Variants in BCLAF3 observed in about 807,000 individuals in gnomAD.
The protein encoded by BCLAF3 is BCLAF1 and THRAP3 family member 3.
Under a neutral mutation model 51.2 loss-of-function variants are expected in BCLAF3, and 24 were observed. The ratio of observed to expected loss-of-function variants is 0.47; its 90% CI spans 0.34 to 0.66. The LOEUF is 0.66. Ranked by LOEUF, BCLAF3 falls within the 30% of genes least tolerant of loss-of-function variation. BCLAF3 has a pLI of 0.01. For synonymous variants in BCLAF3, 152 were observed against 176.6 expected, an observed-to-expected ratio of 0.86 and a Z score of 1.10; for missense variants, 465 against 525.1, an observed-to-expected ratio of 0.89 and a Z score of 1.12.
rs765607667 is a variant in BCLAF3, at chrX:19,915,044, A to G, written c.*2261T>C. 3 of 109,930 alleles carry G rather than the reference A, an allele frequency of 2.7e-5. No homozygotes were observed. The South Asian group carries it at 1.2e-3, about 44-fold the overall frequency. The allele number at this position is 109,930 out of a possible 1,213,427, so 9.1% of individuals were successfully genotyped here. On this transcript the variant is annotated 3_prime_UTR_variant, in exon 12 of 12. Transcript: ENST00000379682. ...TATCTTTGTCTTCCCAGTACCAGCG[A>G]AGGGCCTAGCACGTAGTGGAGGAAG...
chrX:19,951,860 C>T (rs1423491343), intron 7 of BCLAF3, among the ~76,000 whole-genome samples: 1 of 110,387 alleles, frequency 9.1e-6, no homozygotes, highest in Non-Finnish European at 1.9e-5. Context: ...CCCAGGAGGT[C>T]GAGGCTGCAG....
At chrX:19,948,121 G>A (rs772873452) in intron 8 of BCLAF3, among the ~76,000 whole-genome samples, 1 of 112,004 alleles carries the variant, frequency 8.9e-6, no homozygotes, top group Non-Finnish European at 1.9e-5. Flanking sequence ...TAGCACAGCC[G>A]CTTTGGAAAA....
intron 1 of BCLAF3, among the ~76,000 whole-genome samples, chrX:19,976,887 A>G (rs780451302): frequency 9.0e-6 from 1 of 111,666 alleles, no homozygotes; most frequent in African/African-American, 3.2e-5. Flanking sequence ...CGAGTCTATC[A>G]GTGCCATTTT....
rs1448245727 is a variant in BCLAF3 at position 19,916,202 on chromosome X, A to G, written c.*1103T>C. 8.9e-6 allele frequency: 1 copy of G among 112,876 alleles called. No homozygotes were observed. The highest frequency in any genetic ancestry group is 3.2e-5 in the African/African-American group (1 of 31,019). 9.3% of individuals were successfully genotyped at this position (112,876 alleles called of 1,213,427 possible). On this transcript the variant is annotated 3_prime_UTR_variant, in exon 12 of 12. Coordinates refer to ENST00000379682, the MANE Select transcript of BCLAF3 (RefSeq NM_001367774.2). ...TTAAACAGAGGTGCTATCCAAGGCTATAAGTCTCAAACAAAATTAAAATAA... is the reference window on the plus strand; with the variant it reads ...TTAAACAGAGGTGCTATCCAAGGCTGTAAGTCTCAAACAAAATTAAAATAA...
At chrX:19,935,179 A>C (rs1167456033) in intron 10 of BCLAF3, among the ~76,000 whole-genome samples, 1 of 105,661 alleles carries the variant, frequency 9.5e-6, no homozygotes, top group African/African-American at 3.5e-5. Context: ...GGGAGACTCC[A>C]TCTCAAAAAA....
intron 1 of BCLAF3, among the ~76,000 whole-genome samples, 134 bp downstream of exon 1, chrX:19,990,774 C>T (rs2072910103): frequency 8.9e-6 from 1 of 112,038 alleles, no homozygotes; most frequent in Non-Finnish European, 1.9e-5. Context: ...GCTGTCCCAA[C>T]AGAACCCGAG....
chrX:19,943,313 T>TAGCTTTTG, intron 8 of BCLAF3, among the ~76,000 whole-genome samples: 1 of 42,124 alleles, frequency 2.4e-5, no homozygotes, highest in South Asian at 1.6e-3. Context: ...TGCCTTCTGC[T>TAGCTTTTG]AGCTTTTGAA....
chrX:19,955,610 G>T (rs200344068), intron 4 of BCLAF3, 44 bp from the exon 5 acceptor site: 12 of 1,052,057 alleles, frequency 1.1e-5, no homozygotes, highest in Non-Finnish European at 1.5e-5. Flanking sequence ...AAACTATTTT[G>T]TGGAGAAAAG....
At position 19,935,986 on chromosome X, in the gene BCLAF3, T is replaced by A. The variant is rs1347372016; in HGVS notation, c.1861-88A>T. The A allele has an allele frequency of 4.0e-6, 3 of 746,414 alleles. No homozygotes were observed. The East Asian group carries it at 9.6e-5, about 24-fold the overall frequency. The allele number at this position is 746,414 out of a possible 1,213,427, so 61.5% of individuals were successfully genotyped here. A position where few individuals can be genotyped will look rare whatever the true frequency, so the allele number is the denominator to read the frequency against. On this transcript the variant is annotated intron_variant, in intron 9 of 11. Transcript: ENST00000379682. ...TTACCATTAGAAAACACATTTTAAA[T>A]GTACAGGATTAAGAACACAAAGCAG... is the stretch of plus-strand genomic sequence containing the variant.
intron 8 of BCLAF3, among the ~76,000 whole-genome samples, chrX:19,939,116 A>G (rs932814939): frequency 8.9e-6 from 1 of 112,237 alleles, no homozygotes; most frequent in African/African-American, 3.2e-5. Flanking sequence ...AGTAGATCAA[A>G]AGAGTAAAGT....
chrX:19,913,023 G>C lies in BCLAF3; in HGVS notation c.*4282C>G, dbSNP rs1427740534. The C allele has an allele frequency of 4.5e-5, 5 of 112,013 alleles. No individual in the cohort carries two copies. Among genetic ancestry groups the C allele is most frequent in the Admixed American group, 9.5e-5 (1 of 10,546 alleles). 9.2% of individuals were successfully genotyped at this position (112,013 alleles called of 1,213,427 possible). ...ACCTCTCAATTCACTCATATGTACA[G>C]ACAGGATTGACGGGGGGAATCCCTA... On this transcript the variant is annotated 3_prime_UTR_variant, in exon 12 of 12. Coordinates refer to ENST00000379682, the MANE Select transcript of BCLAF3 (RefSeq NM_001367774.2).
intron 1 of BCLAF3, among the ~76,000 whole-genome samples, chrX:19,978,469 G>T (rs765222267): frequency 1.8e-5 from 2 of 112,200 alleles, no homozygotes; most frequent in South Asian, 7.4e-4. Flanking sequence ...AGAAGAGGAA[G>T]TAAAGCCTGA....
rs1044686418 is a variant in BCLAF3 at position 19,915,640 on chromosome X, C to T, written c.*1665G>A. On this transcript the variant is annotated 3_prime_UTR_variant, in exon 12 of 12. Transcript: ENST00000379682. Reference sequence around the variant, plus strand: ...TGTCCATTTTTCCTATTAGACTCTTCGTACCATAAAGGCAGGGTCCATGTG... The same window carrying T: ...TGTCCATTTTTCCTATTAGACTCTTTGTACCATAAAGGCAGGGTCCATGTG... The T allele has an allele frequency of 2.7e-5, 3 of 111,878 alleles. No individual in the cohort carries two copies. Among genetic ancestry groups the T allele is most frequent in the Non-Finnish European group, 3.8e-5 (2 of 53,173 alleles). 9.2% of individuals were successfully genotyped at this position (111,878 alleles called of 1,213,427 possible).
At chrX:19,964,560 C>T (rs1163100028) in intron 4 of BCLAF3, among the ~76,000 whole-genome samples, 1 of 110,372 alleles carries the variant, frequency 9.1e-6, no homozygotes, top group African/African-American at 3.3e-5. Context: ...GAGCCCGAGC[C>T]ACTCTGACTT....
Position 19,965,184 on chromosome X carries a change from A to G in BCLAF3, c.1134T>C (p.Asp378=). 1.7e-6 allele frequency: 2 copies of G among 1,204,807 alleles called. No homozygotes were observed. The highest frequency in any genetic ancestry group is 2.2e-6 in the Non-Finnish European group (2 of 893,912). The stretch of plus-strand genomic sequence containing the variant: ...TGGAAGAATTGCTCTCTTTTCTACA[A>G]TCCCCTTCTTTCTTTATTTTTTCCT... The part of the protein sequence containing the change: ...KWKEKIKKEG[D]CRKESNSSSN... Residue 378 remains aspartate, a synonymous_variant, in exon 4 of 12, where the codon GAT becomes GAC. Transcript: ENST00000379682.
At chrX:19,921,020 G>C (rs2070136703) in intron 11 of BCLAF3, among the ~76,000 whole-genome samples, 1 of 111,417 alleles carries the variant, frequency 9.0e-6, no homozygotes, top group South Asian at 3.7e-4. Context: ...GCTATTTCTA[G>C]CTAAGAGAAC....
intron 1 of BCLAF3, among the ~76,000 whole-genome samples, chrX:19,974,128 G>T (rs2148001549): frequency 9.0e-6 from 1 of 111,707 alleles, no homozygotes; most frequent in South Asian, 3.7e-4. Flanking sequence ...TGTATAGGCA[G>T]CTTTCACATA....
chrX:19,950,060 A>G (rs930715240), intron 8 of BCLAF3, among the ~76,000 whole-genome samples: 1 of 111,970 alleles, frequency 8.9e-6, no homozygotes, highest in South Asian at 3.7e-4. Context: ...CATATATGAC[A>G]TAAGTACTTC....
chrX:19,969,074 T>C (rs1183851308), intron 2 of BCLAF3, among the ~76,000 whole-genome samples: 2 of 111,348 alleles, frequency 1.8e-5, no homozygotes, highest in African/African-American at 6.5e-5. Context: ...GATCACGCCA[T>C]TGCACTCCAG....
Sources: allele counts gnomAD v4.1 joint callset (sites outside exome capture counted in the v4.1 genomes callset), GRCh38; gene constraint gnomAD v4.1.1; transcripts MANE v1.5; gene names NCBI Gene and HGNC (gene_info 2026-07-23, HGNC 2026-07-21).